HPSE2: variants seen among roughly 807,000 people sequenced by gnomAD.
HPSE2 encodes the protein heparanase 2 (inactive), also known as inactive heparanase-2.
In HPSE2, 38 loss-of-function variants were observed where a neutral mutation model predicts 60.5. The ratio of observed to expected loss-of-function variants is 0.63; its 90% confidence interval spans 0.48 to 0.82. The LOEUF (loss-of-function observed/expected upper bound fraction) is 0.82, where lower values mean the gene tolerates loss of function less well. Ranked by LOEUF, HPSE2 falls within the 40% of genes least tolerant of loss-of-function variation. HPSE2 has a pLI of 0.00. For synonymous variants in HPSE2, 295 were observed against 293.2 expected (o/e 1.01, Z -0.06); for missense variants, 713 against 740.4 (o/e 0.96, Z 0.43).
At chr10:98,543,330 G>A (rs1486015119) in intron 9 of HPSE2, among the ~76,000 whole-genome samples, 3 of 152,088 alleles carry the variant, frequency 2.0e-5, no homozygotes, top group Non-Finnish European at 4.4e-5. Context: ...CGAAGGAAGT[G>A]CTAAACATGG....
At chr10:99,261,537 T>C in the HPSE2 span, among the ~76,000 whole-genome samples, 2 of 152,212 alleles carry the variant, frequency 1.3e-5, no homozygotes, top group Non-Finnish European at 2.9e-5. Flanking sequence ...GCCCAGTTCA[T>C]GGCCCATTTG....
chr10:98,726,018 C>A (rs1396071065), intron 4 of HPSE2, among the ~76,000 whole-genome samples: 2 of 152,158 alleles, frequency 1.3e-5, no homozygotes, highest in African/African-American at 4.8e-5. Context: ...GAAATAGGAA[C>A]ACTTTTACAC....
chr10:99,011,649 G>A (rs993496585), intron 3 of HPSE2, among the ~76,000 whole-genome samples: 7 of 151,278 alleles, frequency 4.6e-5, no homozygotes, highest in Non-Finnish European at 1.0e-4. Flanking sequence ...CCAGCTACTC[G>A]GGAGACTGAG....
intron 3 of HPSE2, among the ~76,000 whole-genome samples, chr10:98,833,709 C>T (rs1951732496): frequency 6.6e-6 from 1 of 152,156 alleles, no homozygotes; most frequent in Non-Finnish European, 1.5e-5. Flanking sequence ...GGCACAGAGA[C>T]TACATTTCCC....
intron 3 of HPSE2, among the ~76,000 whole-genome samples, chr10:98,983,316 A>G (rs1423135223): frequency 1.3e-5 from 2 of 152,210 alleles, no homozygotes; most frequent in African/African-American, 4.8e-5. Flanking sequence ...GATGGGAGAC[A>G]GTGAAACCAG....
intron 3 of HPSE2, among the ~76,000 whole-genome samples, chr10:98,843,584 T>C (rs1451127588): frequency 1.3e-5 from 2 of 152,096 alleles, no homozygotes; most frequent in African/African-American, 4.8e-5. Flanking sequence ...TATGGAAAAA[T>C]AAATGAAAAG....
chr10:98,726,917 A>T (rs1268514623), intron 4 of HPSE2, among the ~76,000 whole-genome samples: 2 of 152,144 alleles, frequency 1.3e-5, no homozygotes, highest in Non-Finnish European at 2.9e-5. Flanking sequence ...AAAGACCTAA[A>T]TTTTTAATGT....
At chr10:98,746,749 G>C (rs979939696) in intron 3 of HPSE2, among the ~76,000 whole-genome samples, 3 of 151,694 alleles carry the variant, frequency 2.0e-5, no homozygotes, top group East Asian at 1.9e-4. Flanking sequence ...TTTGTGTTAA[G>C]ACTTTGAGGC....
At chr10:99,035,554 C>T (rs892010884) in intron 3 of HPSE2, among the ~76,000 whole-genome samples, 4 of 152,144 alleles carry the variant, frequency 2.6e-5, no homozygotes, top group Non-Finnish European at 5.9e-5. Flanking sequence ...ACACGTAAAC[C>T]AGTAACATAA....
chr10:98,495,901 CT>C (rs1220118926), intron 9 of HPSE2, among the ~76,000 whole-genome samples: 2 of 151,716 alleles, frequency 1.3e-5, no homozygotes, highest in Admixed American at 6.6e-5. Flanking sequence ...TTATTTTTTT[CT>C]TTGAATGAGC....
chr10:98,768,412 A>G (rs889937471), intron 3 of HPSE2, among the ~76,000 whole-genome samples: 1 of 152,052 alleles, frequency 6.6e-6, no homozygotes, highest in East Asian at 1.9e-4. Context: ...CCTCTTTACT[A>G]TTTGATTTGT....
At position 99,135,086 on chromosome 10, in the gene HPSE2, A is replaced by G. The variant is rs181558998; in HGVS notation, c.610+9152T>C. The stretch of plus-strand genomic sequence containing the variant: ...GCGATCTTAATCTCTGATGAAACAG[A>G]CTTTAAACCAACAAAGATCAAAAGA... On this transcript the variant is annotated intron_variant, in intron 3 of 11. Transcript: ENST00000370552. Among the ~76,000 whole-genome samples, 17 of 152,316 alleles carry G rather than the reference A, an allele frequency of 1.1e-4. 1 individual carries two copies. The South Asian group carries it at 2.9e-3, about 26-fold the overall frequency.
intron 3 of HPSE2, among the ~76,000 whole-genome samples, chr10:99,043,039 C>A (rs10883252): frequency 0.49 from 74,940 of 151,988 alleles, 20,877 homozygotes; most frequent in Non-Finnish European, 0.64. Flanking sequence ...CATCCAGAAA[C>A]GAAGCCAACT....
chr10:98,957,404 C>T (rs986138129), intron 3 of HPSE2, among the ~76,000 whole-genome samples: 1 of 152,130 alleles, frequency 6.6e-6, no homozygotes, highest in African/African-American at 2.4e-5. Context: ...CATAGACCTG[C>T]TCACTGTTCT....
chr10:98,943,162 C>G (rs1955069167), intron 3 of HPSE2, among the ~76,000 whole-genome samples: 1 of 151,116 alleles, frequency 6.6e-6, no homozygotes, highest in South Asian at 2.1e-4. Context: ...AGCACACCAG[C>G]ATGGCACATG....
At chr10:99,155,892 A>G (rs899577953) in intron 2 of HPSE2, among the ~76,000 whole-genome samples, 10 of 151,994 alleles carry the variant, frequency 6.6e-5, no homozygotes, top group Admixed American at 1.3e-4. Context: ...AATCAAATAG[A>G]CACAATAAAA....
At chr10:98,498,156 A>T (rs1034688362) in intron 9 of HPSE2, among the ~76,000 whole-genome samples, 3 of 152,192 alleles carry the variant, frequency 2.0e-5, no homozygotes, top group Admixed American at 6.5e-5. Flanking sequence ...GGAGGCTCGC[A>T]TCGTGAATTT....
At chr10:98,694,737 A>G (rs1044808663) in intron 5 of HPSE2, among the ~76,000 whole-genome samples, 10 of 152,094 alleles carry the variant, frequency 6.6e-5, no homozygotes, top group Non-Finnish European at 1.5e-4. Flanking sequence ...TTTGTGAATA[A>G]CTCAATTACC....
chr10:99,226,747 A>G (rs1351610813), intron 2 of HPSE2, among the ~76,000 whole-genome samples: 1 of 152,020 alleles, frequency 6.6e-6, no homozygotes, highest in Non-Finnish European at 1.5e-5. Context: ...GACATATATT[A>G]AAACCACCAC....
Sources: allele counts gnomAD v4.1 joint callset (sites outside exome capture counted in the v4.1 genomes callset), GRCh38; gene constraint gnomAD v4.1.1; transcripts MANE v1.5; gene names NCBI Gene and HGNC (gene_info 2026-07-23, HGNC 2026-07-21).